DPPA4: variants seen among roughly 807,000 people sequenced by gnomAD.
The protein encoded by DPPA4 is developmental pluripotency-associated protein 4.
Under a neutral mutation model 33.7 loss-of-function variants are expected in DPPA4, and 22 were observed. The ratio of observed to expected loss-of-function variants is 0.65; its 90% CI spans 0.47 to 0.93. DPPA4 has a LOEUF of 0.93. Ranked by LOEUF, DPPA4 falls within the 40% of genes least tolerant of loss-of-function variation. The pLI, the probability that DPPA4 is intolerant of heterozygous loss-of-function variation, is 0.00. For synonymous variants in DPPA4, 156 were observed against 132.3 expected (o/e 1.18, Z -1.23); for missense variants, 340 against 358.6 (o/e 0.95, Z 0.42).
intron 2 of DPPA4, among the ~76,000 whole-genome samples, chr3:109,332,642 C>A (rs1341149747): frequency 6.6e-6 from 1 of 152,164 alleles, no homozygotes; most frequent in Non-Finnish European, 1.5e-5. Context: ...AAAATCAACA[C>A]CTGACAATGC....
chr3:109,333,774 G>A lies in DPPA4; in HGVS notation c.178+96C>T. The A allele has an allele frequency of 3.5e-6, 5 of 1,443,242 alleles. No homozygotes were observed. In the South Asian group the frequency reaches 5.1e-5, roughly 15 times the overall value. 89.4% of individuals were successfully genotyped at this position (1,443,242 alleles called of 1,614,324 possible). A position where few individuals can be genotyped will look rare whatever the true frequency, so the allele number is the denominator to read the frequency against. ...GAAGTGCAGGATTTGCACAATACAT[G>A]ATGGAAATTTCTTCCCTGGTTTTTC... On this transcript the variant is annotated intron_variant, in intron 2 of 6. Coordinates refer to ENST00000335658, the MANE Select transcript of DPPA4 (RefSeq NM_018189.4).
rs1166254274 is a variant in DPPA4, at chr3:109,328,920, T to C, written c.848A>G (p.Asp283Gly). 6.2e-7 allele frequency: 1 copy of C among 1,613,998 alleles called. No homozygotes were observed. Among genetic ancestry groups the C allele is most frequent in the Admixed American group, 1.7e-5 (1 of 59,984 alleles). Reference protein sequence around the residue: ...ASNFPPPHLEDNMLCPKCVHR... With the variant: ...ASNFPPPHLEGNMLCPKCVHR... ...AACACATTTGGGGCACAACATATTG[T>C]CTTCAAGGTGCGGGGGTGGAAAATT... The change falls in exon 6 of 7, where the codon GAC becomes GGC. Residue 283 changes from aspartate (D) to glycine (G), a missense_variant. Coordinates refer to ENST00000335658, the MANE Select transcript of DPPA4 (RefSeq NM_018189.4).
At chr3:109,337,568 C>T (rs139830132), upstream of DPPA4, 871 of 1,558,880 alleles carry the variant, frequency 5.6e-4, 7 homozygotes, top group African/African-American at 0.01. Flanking sequence ...AGTCTCCTCC[C>T]ACTTCCTGCC....
At chr3:109,336,967 C>T (rs1315788012) in intron 1 of DPPA4, among the ~76,000 whole-genome samples, 3 of 152,182 alleles carry the variant, frequency 2.0e-5, no homozygotes, top group Non-Finnish European at 4.4e-5. Context: ...ATGGGGCGAT[C>T]TCGGCTCACC....
Position 109,336,735 on chromosome 3 carries a change from G to T in DPPA4, c.54+729C>A, listed in dbSNP as rs112508311. Reference sequence around the variant, plus strand: ...TCTTCAAAACAGAAAACCCGGGCCGGGAGCAGCGGCGGGCGCCTGCAGTCC... The same window carrying T: ...TCTTCAAAACAGAAAACCCGGGCCGTGAGCAGCGGCGGGCGCCTGCAGTCC... On this transcript the variant is annotated intron_variant, in intron 1 of 6. Coordinates refer to ENST00000335658, the MANE Select transcript of DPPA4 (RefSeq NM_018189.4). Among the ~76,000 whole-genome samples the T allele has an allele frequency of 6.7e-3, 1,016 of 152,160 alleles. 14 individuals carry two copies. Among genetic ancestry groups the T allele is most frequent in the African/African-American group, 0.023 (937 of 41,514 alleles).
intron 5 of DPPA4, chr3:109,330,147 CA>C: frequency 7.6e-6 from 2 of 262,490 alleles, no homozygotes; most frequent in Non-Finnish European, 1.5e-5. Context: ...ACTAAAAAGA[CA>C]ACATTAGCCG....
At chr3:109,330,961 A>G in intron 4 of DPPA4, 149 bp from the exon 5 acceptor site, 1 of 802,738 alleles carries the variant, frequency 1.2e-6, no homozygotes, top group Non-Finnish European at 1.9e-6. Flanking sequence ...ATACATAGTT[A>G]ATAACAATGT....
At chr3:109,335,447 TGA>T (rs980435272) in intron 1 of DPPA4, among the ~76,000 whole-genome samples, 8 of 152,166 alleles carry the variant, frequency 5.3e-5, no homozygotes, top group Admixed American at 2.0e-4. Context: ...TCTTTTTCTC[TGA>T]GAGGAGTCTC....
rs537611579 is a variant in DPPA4 at position 109,327,823 on chromosome 3, C to G, written c.*165G>C. On this transcript the variant is annotated 3_prime_UTR_variant, in exon 7 of 7. Transcript: ENST00000335658. ...GTCTCTATCTCCACTCACAAAGCAA[C>G]AGGCACTGCTAGGGGTCTTAGGCTA... 1.9e-6 allele frequency: 1 copy of G among 539,652 alleles called. No homozygotes were observed. The highest frequency in any genetic ancestry group is 3.3e-6 in the Non-Finnish European group (1 of 302,292). 33.4% of individuals were successfully genotyped at this position (539,652 alleles called of 1,614,324 possible).
At chr3:109,331,153 T>C (rs1708062254) in intron 4 of DPPA4, among the ~76,000 whole-genome samples, 1 of 150,050 alleles carries the variant, frequency 6.7e-6, no homozygotes, top group Admixed American at 6.7e-5. Context: ...TGGCTCATGC[T>C]TGTAATCTCA....
At position 109,327,094 on chromosome 3, in the gene DPPA4, A is replaced by G. The variant is rs1473707337; in HGVS notation, c.*894T>C. 1 of 152,230 alleles carries G rather than the reference A, an allele frequency of 6.6e-6. No homozygotes were observed. The highest frequency in any genetic ancestry group is 1.5e-5 in the Non-Finnish European group (1 of 68,062). 9.4% of individuals were successfully genotyped at this position (152,230 alleles called of 1,614,324 possible). A position where few individuals can be genotyped will look rare whatever the true frequency, so the allele number is the denominator to read the frequency against. On this transcript the variant is annotated 3_prime_UTR_variant, in exon 7 of 7. Coordinates refer to ENST00000335658, the MANE Select transcript of DPPA4 (RefSeq NM_018189.4). ...AAAACAATTATAAGTGAAATAATAC[A>G]AAGTCCCTTGTGTTTTGATCCTGGA...
At chr3:109,333,825 C>T (rs780430102) in intron 2 of DPPA4, 45 bp downstream of exon 2, 10 of 1,603,386 alleles carry the variant, frequency 6.2e-6, no homozygotes, top group Non-Finnish European at 8.5e-6. Flanking sequence ...CCTCTGGCTT[C>T]TAAGACCCGA....
chr3:109,332,713 C>T (rs1168823538), intron 2 of DPPA4, among the ~76,000 whole-genome samples: 1 of 152,200 alleles, frequency 6.6e-6, no homozygotes. Flanking sequence ...GGGAAGCACT[C>T]TGGTTTCATA....
Position 109,329,032 on chromosome 3 carries a change from C to T in DPPA4, c.736G>A (p.Val246Ile), listed in dbSNP as rs1707996948. 6.2e-7 allele frequency: 1 copy of T among 1,613,932 alleles called. No individual in the cohort carries two copies. Among genetic ancestry groups the T allele is most frequent in the South Asian group, 1.1e-5 (1 of 91,068 alleles). ...KSLPADTDGW[V>I]HLQFHAGQAW... ...TGACCAGCATGAAACTGCAGGTGAA[C>T]CCAACCATCTGTGTCTGCAGGGAGA... Residue 246 changes from valine (V) to isoleucine (I), a missense_variant, in exon 6 of 7, where the codon GTT (valine) becomes ATT (isoleucine). This residue lies in a region of DPPA4 where 212 missense variants were observed against 206.5 expected (regional missense o/e 1.03). Transcript: ENST00000335658.
intron 2 of DPPA4, among the ~76,000 whole-genome samples, chr3:109,332,949 G>A (rs1159691038): frequency 6.6e-6 from 1 of 152,170 alleles, no homozygotes. Context: ...AGCTGGGCGT[G>A]GTGGCACATG....
At position 109,331,877 on chromosome 3, in the gene DPPA4, T is replaced by C; in HGVS notation, c.333A>G (p.Lys111=). 1 of 1,614,098 alleles carries C rather than the reference T, an allele frequency of 6.2e-7. No homozygotes were observed. The highest frequency in any genetic ancestry group is 1.3e-5 in the African/African-American group (1 of 75,030). ...CCCCAGCCTGGGACCTCACCTGGCC[T>C]TTGGAGCTCAGCTTCAATTGTTGGC... is the stretch of plus-strand genomic sequence containing the variant. ...AWCQQLKLSS[K]GQKLDAYKRL... The change falls in exon 3 of 7, where the codon AAA becomes AAG. Residue 111 remains lysine, a synonymous_variant. Transcript: ENST00000335658.
chr3:109,328,776 C>T, intron 6 of DPPA4, 114 bp downstream of exon 6: 1 of 975,382 alleles, frequency 1.0e-6, no homozygotes, highest in Non-Finnish European at 1.5e-6. Context: ...AAACTCTTTA[C>T]TGACAATTTG....
At chr3:109,328,402 C>A (rs56218454) in intron 6 of DPPA4, among the ~76,000 whole-genome samples, 9,093 of 152,216 alleles carry the variant, frequency 0.06, 818 homozygotes, top group African/African-American at 0.2. Context: ...AAAAGCCAAT[C>A]ACACATTCAC....
intron 1 of DPPA4, among the ~76,000 whole-genome samples, chr3:109,336,627 T>C (rs954537311): frequency 2.0e-5 from 3 of 152,168 alleles, no homozygotes; most frequent in Non-Finnish European, 4.4e-5. Context: ...TCCTAAAATC[T>C]TTCCTTTAAC....
Sources: gnomAD v4.1 joint callset for allele counts (sites outside exome capture counted in the v4.1 genomes callset) on GRCh38, gnomAD v4.1.1 for gene constraint, gnomAD v4.1.1 regional missense constraint, MANE v1.5 for transcripts, NCBI Gene and HGNC (gene_info 2026-07-23, HGNC 2026-07-21) for gene names.